The following RPA3 variants were observed in gnomAD, a reference collection of about 807,000 sequenced individuals.
The protein encoded by RPA3 is replication protein A 14 kDa subunit.
RPA3 carries 24 observed loss-of-function variants against 13.7 expected under a neutral mutation model. The ratio of observed to expected loss-of-function variants is 1.75; its 90% CI spans 1.27 to 2.46. The LOEUF is 2.46. Ranked by LOEUF, RPA3 falls within the 30% of genes most tolerant of loss-of-function variation. RPA3 has a pLI of 0.00. For synonymous variants in RPA3, 59 were observed against 51.2 expected, an observed-to-expected ratio of 1.15 and a Z score of -0.65; for missense variants, 183 against 151.0, an observed-to-expected ratio of 1.21 and a Z score of -1.11.
At chr7:7,700,892 A>G (rs1368412184) in intron 2 of RPA3, among the ~76,000 whole-genome samples, 1 of 152,090 alleles carries the variant, frequency 6.6e-6, no homozygotes, top group African/African-American at 2.4e-5. Flanking sequence ...CCATCTTAAA[A>G]AAAAACAAAA....
chr7:7,649,401 C>T (rs1038648025), intron 4 of RPA3, among the ~76,000 whole-genome samples: 8 of 152,084 alleles, frequency 5.3e-5, no homozygotes, highest in Non-Finnish European at 1.2e-4. Context: ...TGGCATTAAT[C>T]CATTTATGAG....
chr7:7,644,958 T>C (rs2115544538), intron 4 of RPA3, among the ~76,000 whole-genome samples: 1 of 152,362 alleles, frequency 6.6e-6, no homozygotes, highest in Admixed American at 6.5e-5. Flanking sequence ...ATTTTGGTCC[T>C]CTTAAAATCT....
chr7:7,649,520 C>A (rs9791506), intron 4 of RPA3, among the ~76,000 whole-genome samples: 1 of 151,764 alleles, frequency 6.6e-6, no homozygotes, highest in African/African-American at 2.4e-5. Flanking sequence ...ATTCAAACCA[C>A]AGCAGGATTA....
intron 2 of RPA3, among the ~76,000 whole-genome samples, chr7:7,692,726 C>T (rs551547590): frequency 5.9e-5 from 9 of 152,286 alleles, no homozygotes; most frequent in South Asian, 2.1e-4. Flanking sequence ...TCTCCTGCCT[C>T]AGCCTCCCGA....
At chr7:7,716,789 C>G (rs147040048) in intron 1 of RPA3, among the ~76,000 whole-genome samples, 1 of 152,100 alleles carries the variant, frequency 6.6e-6, no homozygotes, top group African/African-American at 2.4e-5. Context: ...ACTAAAAGCA[C>G]AAAAAAATTA....
At chr7:7,711,014 C>A (rs1161712837) in intron 2 of RPA3, among the ~76,000 whole-genome samples, 1 of 152,120 alleles carries the variant, frequency 6.6e-6, no homozygotes, top group African/African-American at 2.4e-5. Flanking sequence ...ATAGAGAAAT[C>A]ATTGGTCGCC....
At chr7:7,671,347 G>A (rs1563105914) in intron 4 of RPA3, among the ~76,000 whole-genome samples, 1 of 151,980 alleles carries the variant, frequency 6.6e-6, no homozygotes, top group African/African-American at 2.4e-5. Context: ...GGCTTCAGTT[G>A]GAGACCCACA....
chr7:7,684,372 T>TG (rs1324582246), intron 4 of RPA3, among the ~76,000 whole-genome samples: 1 of 151,840 alleles, frequency 6.6e-6, no homozygotes, highest in East Asian at 1.9e-4. Flanking sequence ...CGGCTAATTT[T>TG]TTTTTTTTGT....
intron 4 of RPA3, among the ~76,000 whole-genome samples, chr7:7,652,246 G>T (rs7783714): frequency 0.73 from 111,672 of 152,096 alleles, 41,293 homozygotes; most frequent in East Asian, 0.97. Context: ...CCTTTGATAG[G>T]ATTTCCGAGT....
rs1011531013 is a variant in RPA3, at chr7:7,640,691, G to A, written c.-273C>T. 2 of 448,730 alleles carry A rather than the reference G, an allele frequency of 4.5e-6. No homozygotes were observed. Among genetic ancestry groups the A allele is most frequent in the Non-Finnish European group, 8.0e-6 (2 of 248,972 alleles). The allele number at this position is 448,730 out of a possible 1,614,324, so 27.8% of individuals were successfully genotyped here. A position where few individuals can be genotyped will look rare whatever the true frequency, so the allele number is the denominator to read the frequency against. On this transcript the variant is annotated 5_prime_UTR_variant, in exon 5 of 8. Coordinates refer to ENST00000223129, the MANE Select transcript of RPA3 (RefSeq NM_002947.5). ...ATACAGGGCGAGAGGCAGTGGAGGC[G>A]GGACTTGGATAGGGGCGGAACCTGA... is the stretch of plus-strand genomic sequence containing the variant.
rs1784940136 is a variant in RPA3 at position 7,640,431 on chromosome 7, A to G, written c.-13T>C. 2.5e-6 allele frequency: 4 copies of G among 1,613,008 alleles called. No homozygotes were observed. The highest frequency in any genetic ancestry group is 3.4e-6 in the Non-Finnish European group (4 of 1,179,328). On this transcript the variant is annotated 5_prime_UTR_variant, in exon 5 of 8. Coordinates refer to ENST00000223129, the MANE Select transcript of RPA3 (RefSeq NM_002947.5). ...TCATGTCCACCATGATTATGGTCCA[A>G]GACTGCGGCTGGCGGGAAACCCACG...
chr7:7,647,572 C>G (rs1785124535), intron 4 of RPA3, among the ~76,000 whole-genome samples: 1 of 152,100 alleles, frequency 6.6e-6, no homozygotes, highest in Non-Finnish European at 1.5e-5. Context: ...GTAGCATTGT[C>G]AAATTTCTCC....
At chr7:7,661,864 G>A (rs1158988633) in intron 4 of RPA3, among the ~76,000 whole-genome samples, 1 of 152,196 alleles carries the variant, frequency 6.6e-6, no homozygotes, top group African/African-American at 2.4e-5. Flanking sequence ...TTTCTTCAGA[G>A]CTGGCAGGCA....
Position 7,640,460 on chromosome 7 carries a change from G to T in RPA3, c.-42C>A, listed in dbSNP as rs766356789. ...TGCGGCTGGCGGGAAACCCACGGACGACTGAAACTGTGCGCCCCGCGGGTG... is the reference window on the plus strand; with the variant it reads ...TGCGGCTGGCGGGAAACCCACGGACTACTGAAACTGTGCGCCCCGCGGGTG... On this transcript the variant is annotated 5_prime_UTR_variant, in exon 5 of 8. Coordinates refer to ENST00000223129, the MANE Select transcript of RPA3 (RefSeq NM_002947.5). 80 of 1,579,534 alleles carry T rather than the reference G, an allele frequency of 5.1e-5. No individual in the cohort carries two copies. The highest frequency in any genetic ancestry group is 1.4e-4 in the African/African-American group (10 of 72,920).
Position 7,686,018 on chromosome 7 carries a change from G to T in RPA3, c.-926-20C>A, listed in dbSNP as rs534313937. 6.6e-6 allele frequency: 1 copy of T among 152,242 alleles called. No individual in the cohort carries two copies. Among genetic ancestry groups the T allele is most frequent in the African/African-American group, 2.4e-5 (1 of 41,534 alleles). 9.4% of individuals were successfully genotyped at this position (152,242 alleles called of 1,614,324 possible). A position where few individuals can be genotyped will look rare whatever the true frequency, so the allele number is the denominator to read the frequency against. ...CCACACCTAGTGAAACAGAATTTTG[G>T]GAGCTATAGCCAGAGAATCAGCATT... On this transcript the variant is annotated intron_variant, in intron 3 of 7. Transcript: ENST00000223129.
intron 4 of RPA3, chr7:7,676,086 C>A (rs1779730774): frequency 2.5e-6 from 1 of 398,692 alleles, no homozygotes; most frequent in South Asian, 1.3e-4. Flanking sequence ...TTCATCCCCT[C>A]TTCCTTCTTC....
intron 4 of RPA3, among the ~76,000 whole-genome samples, chr7:7,682,528 C>T (rs1174991378): frequency 6.6e-6 from 1 of 152,124 alleles, no homozygotes; most frequent in Non-Finnish European, 1.5e-5. Context: ...TAAAAATTTA[C>T]ATTCTAAGGA....
Position 7,682,414 on chromosome 7 carries a change from ATACT to A in RPA3, c.-758+3412_-758+3415del, listed in dbSNP as rs796798694. 2.0e-4 allele frequency among the ~76,000 whole-genome samples: 30 copies of A among 152,270 alleles called. No individual in the cohort carries two copies. The East Asian group carries it at 5.4e-3, about 27-fold the overall frequency. ...ATTCTGGGAACCAAACCACATATAC[ATACT>A]TCATTTAAACTATCATATTTTTATA... On this transcript the variant is annotated intron_variant, in intron 4 of 7. Coordinates refer to ENST00000223129, the MANE Select transcript of RPA3 (RefSeq NM_002947.5).
chr7:7,705,528 G>A (rs1336747177), intron 2 of RPA3, among the ~76,000 whole-genome samples: 1 of 152,166 alleles, frequency 6.6e-6, no homozygotes, highest in Non-Finnish European at 1.5e-5. Context: ...CATATTGTAT[G>A]TAATCATCTG....
Sources: gnomAD v4.1 joint callset for allele counts (sites outside exome capture counted in the v4.1 genomes callset) on GRCh38, gnomAD v4.1.1 for gene constraint, MANE v1.5 for transcripts, NCBI Gene and HGNC (gene_info 2026-07-23, HGNC 2026-07-21) for gene names.